NXPE2: variants seen among roughly 807,000 people sequenced by gnomAD.
The protein encoded by NXPE2 is NXPE family member 2.
A neutral mutation model predicts 34.4 loss-of-function variants in NXPE2; 34 were observed. The observed-to-expected ratio is 0.99, with a 90% CI of 0.75 to 1.31. NXPE2 has a LOEUF of 1.31. Among genes scored for constraint, NXPE2 ranks in the 40% most tolerant of loss-of-function variants. The pLI is 0.00. For synonymous variants in NXPE2, 235 were observed against 231.3 expected, an observed-to-expected ratio of 1.02 and a Z score of -0.15; for missense variants, 649 against 672.5, an observed-to-expected ratio of 0.97 and a Z score of 0.39.
chr11:114,580,075 G>T, the NXPE2 span: 1 of 1,409,440 alleles, frequency 7.1e-7, no homozygotes, highest in Non-Finnish European at 1.0e-6. Context: ...TCTCCCCTTT[G>T]AAATGGAAAA....
the NXPE2 span, among the ~76,000 whole-genome samples, chr11:114,574,007 G>A: frequency 2.6e-5 from 4 of 152,050 alleles, no homozygotes; most frequent in East Asian, 7.7e-4. Flanking sequence ...ATTATATCAA[G>A]TACTCTCTCA....
the NXPE2 span, among the ~76,000 whole-genome samples, chr11:114,603,242 C>G: frequency 6.8e-6 from 1 of 147,350 alleles, no homozygotes; most frequent in African/African-American, 2.5e-5. Context: ...AGTATTGCCT[C>G]GTCTCCTAGG....
the NXPE2 span, among the ~76,000 whole-genome samples, chr11:114,639,742 T>TATATATTATATTAAATATAAA: frequency 8.6e-6 from 1 of 116,940 alleles, no homozygotes; most frequent in Non-Finnish European, 1.7e-5. Flanking sequence ...TATAAAATAA[T>TATATATTATATTAAATATAAA]ATATAATATA....
chr11:114,616,416 C>T, the NXPE2 span, among the ~76,000 whole-genome samples: 1 of 151,562 alleles, frequency 6.6e-6, no homozygotes, highest in Non-Finnish European at 1.5e-5. Context: ...CCGGTGTTAC[C>T]TGGTGAATAA....
At chr11:114,696,172 A>G (rs557786102) in intron 2 of NXPE2, among the ~76,000 whole-genome samples, 4 of 151,970 alleles carry the variant, frequency 2.6e-5, no homozygotes, top group South Asian at 2.1e-4. Flanking sequence ...CCCCACCTCT[A>G]TGAAAAATAC....
chr11:114,603,590 A>C, the NXPE2 span, among the ~76,000 whole-genome samples: 1 of 150,740 alleles, frequency 6.6e-6, no homozygotes. Flanking sequence ...GGTAACTCCT[A>C]TTACCTGGTG....
the NXPE2 span, among the ~76,000 whole-genome samples, chr11:114,638,516 G>A: frequency 6.6e-6 from 1 of 152,000 alleles, no homozygotes; most frequent in Non-Finnish European, 1.5e-5. Context: ...GAGGAACTGT[G>A]TTCCTTTCGA....
the NXPE2 span, among the ~76,000 whole-genome samples, chr11:114,619,066 GATA>G: frequency 6.6e-6 from 1 of 151,956 alleles, no homozygotes; most frequent in Non-Finnish European, 1.5e-5. Context: ...TTACCTGGTG[GATA>G]ATAAGTATTG....
the NXPE2 span, among the ~76,000 whole-genome samples, chr11:114,753,519 T>G: frequency 1.3e-5 from 2 of 152,226 alleles, no homozygotes; most frequent in African/African-American, 4.8e-5. Flanking sequence ...ATGCTGAATA[T>G]GTTATAATTC....
the NXPE2 span, among the ~76,000 whole-genome samples, chr11:114,735,719 T>C: frequency 1.3e-5 from 2 of 152,120 alleles, no homozygotes; most frequent in African/African-American, 4.8e-5. Context: ...GGTGGTCATA[T>C]ATAGTAGGAA....
chr11:114,762,920 G>A, the NXPE2 span, among the ~76,000 whole-genome samples: 48,310 of 151,654 alleles, frequency 0.32, 8,465 homozygotes, highest in East Asian at 0.43. Flanking sequence ...CCTATTCATC[G>A]TGACTTCAAC....
the NXPE2 span, chr11:114,594,910 C>T: frequency 1.8e-6 from 1 of 560,940 alleles, no homozygotes; most frequent in South Asian, 2.0e-5. Flanking sequence ...TAAACCTTCA[C>T]CCCCGCAAGC....
At chr11:114,625,856 C>T in the NXPE2 span, among the ~76,000 whole-genome samples, 1 of 152,132 alleles carries the variant, frequency 6.6e-6, no homozygotes, top group African/African-American at 2.4e-5. Flanking sequence ...GGCATTGCCT[C>T]ACTCGGGAAG....
At chr11:114,711,675 A>G (rs1859616881), downstream of NXPE2, among the ~76,000 whole-genome samples, 2 of 152,174 alleles carry the variant, frequency 1.3e-5, no homozygotes, top group African/African-American at 4.8e-5. Flanking sequence ...TAAATATCAT[A>G]CTATCCAAAG....
the NXPE2 span, among the ~76,000 whole-genome samples, chr11:114,726,753 G>A: frequency 6.6e-5 from 10 of 151,960 alleles, no homozygotes; most frequent in Admixed American, 6.6e-4. Flanking sequence ...CTAAATATCT[G>A]GTTTCATTGC....
At chr11:114,530,168 T>A in the NXPE2 span, 1 of 1,591,044 alleles carries the variant, frequency 6.3e-7, no homozygotes, top group East Asian at 2.2e-5. Flanking sequence ...ATGAAAAGTA[T>A]ACTCACCTGT....
chr11:114,505,459 T>C, the NXPE2 span, among the ~76,000 whole-genome samples: 1 of 151,464 alleles, frequency 6.6e-6, no homozygotes, highest in African/African-American at 2.4e-5. Context: ...AGAAAAAATG[T>C]TAAAGGCAGC....
chr11:114,583,596 G>A, the NXPE2 span: 60 of 594,740 alleles, frequency 1.0e-4, 1 homozygote, highest in Admixed American at 1.1e-3. Context: ...TTGTCTACTG[G>A]TGGCTCTGTG....
downstream of NXPE2, chr11:114,707,347 C>T (rs1162709120): frequency 2.8e-5 from 10 of 360,060 alleles, no homozygotes; most frequent in African/African-American, 1.1e-4. Flanking sequence ...CTGCCCACCT[C>T]GGCCTCCCAA....
Sources: allele counts gnomAD v4.1 joint callset (sites outside exome capture counted in the v4.1 genomes callset), GRCh38; gene constraint gnomAD v4.1.1; transcripts MANE v1.5; gene names NCBI Gene and HGNC (gene_info 2026-07-23, HGNC 2026-07-21).